Variants in SNX25 observed in about 807,000 individuals in gnomAD.
SNX25 encodes sorting nexin-25.
In SNX25, 62 loss-of-function variants were observed where a neutral mutation model predicts 113.7. The observed-to-expected ratio is 0.55, with a 90% CI of 0.44 to 0.67. The LOEUF (loss-of-function observed/expected upper bound fraction) is 0.67. Ranked by LOEUF, SNX25 falls within the 30% of genes least tolerant of loss-of-function variation. SNX25 has a pLI of 0.00. For missense variants in SNX25, 1,014 were observed against 1,161.0 expected (o/e 0.87, Z 1.84); for synonymous variants, 421 against 436.2 (o/e 0.97, Z 0.43).
chr4:185,235,343 C>T lies in SNX25; in HGVS notation c.430-11951C>T, dbSNP rs576200619. Among the ~76,000 whole-genome samples, 16 of 152,310 alleles carry T rather than the reference C, an allele frequency of 1.1e-4. No homozygotes were observed. In the South Asian group the frequency reaches 1.4e-3, roughly 14 times the overall value. On this transcript the variant is annotated intron_variant, in intron 1 of 18. Coordinates refer to ENST00000652585, the MANE Select transcript of SNX25 (RefSeq NM_001378034.2). ...TGTGTTGGTCTTACTAAGTACCCCT[C>T]GGGAATAGAAGGCCCTGACCTGTGC... is the stretch of plus-strand genomic sequence containing the variant.
chr4:185,247,827 G>A (rs1745073182), intron 2 of SNX25, among the ~76,000 whole-genome samples: 1 of 152,192 alleles, frequency 6.6e-6, no homozygotes, highest in South Asian at 2.1e-4. Flanking sequence ...GAAGGCAGAA[G>A]CAGGGTGGTG....
chr4:185,233,854 G>GTGT (rs1167577470), intron 1 of SNX25, among the ~76,000 whole-genome samples: 2 of 125,816 alleles, frequency 1.6e-5, no homozygotes, highest in African/African-American at 2.5e-5. Context: ...AACAACTTAA[G>GTGT]TGTTATTATT....
At chr4:185,332,281 G>A (rs114092737) in intron 9 of SNX25, among the ~76,000 whole-genome samples, 57 of 152,262 alleles carry the variant, frequency 3.7e-4, no homozygotes, top group Non-Finnish European at 7.4e-4. Context: ...AGGTTGAGTT[G>A]GGAAGATAAC....
At chr4:185,318,534 G>A (rs1425806593) in intron 7 of SNX25, among the ~76,000 whole-genome samples, 1 of 152,142 alleles carries the variant, frequency 6.6e-6, no homozygotes, top group Non-Finnish European at 1.5e-5. Flanking sequence ...GATGCTTACA[G>A]GAGATTTTTT....
chr4:185,327,130 A>G (rs1030313685), intron 9 of SNX25, among the ~76,000 whole-genome samples: 13 of 152,306 alleles, frequency 8.5e-5, no homozygotes, highest in Admixed American at 2.6e-4. Flanking sequence ...TGTTTTTTCA[A>G]TAGTCTTAAA....
intron 18 of SNX25, 54 bp downstream of exon 18, chr4:185,362,765 G>A (rs1452345869): frequency 2.4e-5 from 34 of 1,440,922 alleles, no homozygotes; most frequent in Non-Finnish European, 3.0e-5. Flanking sequence ...CTGTTTCTTC[G>A]TTTGGTCAGA....
intron 1 of SNX25, among the ~76,000 whole-genome samples, chr4:185,226,632 G>A (rs1027504979): frequency 1.3e-5 from 2 of 151,992 alleles, no homozygotes; most frequent in African/African-American, 2.4e-5. Flanking sequence ...TAAACTTTTT[G>A]TAGAGACAAG....
At chr4:185,335,929 A>G (rs1235525621) in intron 10 of SNX25, among the ~76,000 whole-genome samples, 1 of 152,174 alleles carries the variant, frequency 6.6e-6, no homozygotes, top group African/African-American at 2.4e-5. Context: ...GGACAATGGC[A>G]TAGGCAAGGA....
chr4:185,267,396 T>C (rs1416969077), intron 5 of SNX25, among the ~76,000 whole-genome samples: 1 of 151,904 alleles, frequency 6.6e-6, no homozygotes, highest in East Asian at 1.9e-4. Flanking sequence ...GCACCCACGC[T>C]CCCCACCGCC....
intron 5 of SNX25, among the ~76,000 whole-genome samples, chr4:185,268,582 T>C (rs1035479877): frequency 7.9e-5 from 12 of 152,232 alleles, no homozygotes; most frequent in African/African-American, 2.9e-4. Context: ...ATTAATAATT[T>C]TGGTAAAACC....
At chr4:185,261,120 G>C (rs934587392) in intron 3 of SNX25, among the ~76,000 whole-genome samples, 6 of 103,324 alleles carry the variant, frequency 5.8e-5, no homozygotes, top group East Asian at 2.8e-4. Flanking sequence ...GTCTCTGTGT[G>C]TGTGTGTGTG....
intron 6 of SNX25, among the ~76,000 whole-genome samples, chr4:185,300,929 T>G (rs1287406013): frequency 6.6e-6 from 1 of 151,638 alleles, no homozygotes; most frequent in East Asian, 1.9e-4. Context: ...GTTACAGTGT[T>G]TTATTATACT....
intron 5 of SNX25, among the ~76,000 whole-genome samples, chr4:185,287,050 T>C (rs184504425): frequency 6.6e-6 from 1 of 152,360 alleles, no homozygotes. Context: ...ATGAAATTAA[T>C]TAATTCATAT....
rs886915286 is a variant in SNX25, at chr4:185,328,307, C to T, written c.1750-4288C>T. On this transcript the variant is annotated intron_variant, in intron 9 of 18. Transcript: ENST00000652585. ...ACAGATTTTGAGAGGTACTTATTCA[C>T]CTCTAATTCCAGGGGTTCCATAAGG... 2.6e-5 allele frequency among the ~76,000 whole-genome samples: 4 copies of T among 152,090 alleles called. 1 individual carries two copies. The South Asian group carries it at 6.2e-4, about 24-fold the overall frequency.
chr4:185,356,752 C>G (rs772027929), intron 15 of SNX25, among the ~76,000 whole-genome samples: 6 of 152,128 alleles, frequency 3.9e-5, no homozygotes, highest in Non-Finnish European at 7.3e-5. Flanking sequence ...ACTCTTGGCT[C>G]CATTATGACT....
chr4:185,344,672 A>G (rs182220650), intron 12 of SNX25, among the ~76,000 whole-genome samples: 1 of 152,308 alleles, frequency 6.6e-6, no homozygotes, highest in Admixed American at 6.5e-5. Context: ...GTTTGAAAAC[A>G]CGGTTTGAAG....
rs562643145 is a variant in SNX25, at chr4:185,357,653, C to A, written c.2585-18C>A. 8.7e-6 allele frequency: 14 copies of A among 1,611,856 alleles called. No homozygotes were observed. The highest frequency in any genetic ancestry group is 1.2e-5 in the Non-Finnish European group (14 of 1,178,132). On this transcript the variant is annotated intron_variant, in intron 15 of 18. Coordinates refer to ENST00000652585, the MANE Select transcript of SNX25 (RefSeq NM_001378034.2). ...TGATGCCCTGTGATAAAAAGTTTTC[C>A]TCTGGTTTCTGTTTCAGTGTTTAAA...
intron 6 of SNX25, among the ~76,000 whole-genome samples, chr4:185,297,650 C>CA (rs1485296186): frequency 6.6e-6 from 1 of 152,162 alleles, no homozygotes; most frequent in Non-Finnish European, 1.5e-5. Flanking sequence ...GGTCCAAGAT[C>CA]AAGGTACTGG....
Position 185,339,391 on chromosome 4 carries a change from T to G in SNX25, c.1927T>G (p.Leu643Val). 1 of 1,613,928 alleles carries G rather than the reference T, an allele frequency of 6.2e-7. No homozygotes were observed. Among genetic ancestry groups the G allele is most frequent in the Non-Finnish European group, 8.5e-7 (1 of 1,179,910 alleles). The change falls in exon 11 of 19, where the codon TTG becomes GTG. Residue 643 changes from leucine to valine, a missense_variant. Leu to Val is a conservative substitution (Grantham distance 32, BLOSUM62 1). Coordinates refer to ENST00000652585, the MANE Select transcript of SNX25 (RefSeq NM_001378034.2). ...TTCCCTGTGGCAGATTGTTTCCAAGTTGAAGGATGAAATAATCCTAATAGA... is the reference window on the plus strand; with the variant it reads ...TTCCCTGTGGCAGATTGTTTCCAAGGTGAAGGATGAAATAATCCTAATAGA... ...PKPDKKIVSK[L>V]KDEIILIEKE...
Sources: gnomAD v4.1 joint callset for allele counts (sites outside exome capture counted in the v4.1 genomes callset) on GRCh38, gnomAD v4.1.1 for gene constraint, MANE v1.5 for transcripts, NCBI Gene and HGNC (gene_info 2026-07-23, HGNC 2026-07-21) for gene names.